NRG3: variants seen among roughly 807,000 people sequenced by gnomAD.
NRG3 encodes pro-neuregulin-3, membrane-bound isoform.
A neutral mutation model predicts 66.9 loss-of-function variants in NRG3; 31 were observed. The ratio of observed to expected loss-of-function variants is 0.46; its 90% CI spans 0.35 to 0.63. The LOEUF is 0.63. Among genes scored for constraint, NRG3 ranks in the 20% least tolerant of loss-of-function variants. The pLI, the probability that NRG3 is intolerant of heterozygous loss-of-function variation, is 0.00. For synonymous variants in NRG3, 393 were observed against 359.4 expected (o/e 1.09, Z -1.06); for missense variants, 910 against 878.9 (o/e 1.04, Z -0.45).
intron 2 of NRG3, among the ~76,000 whole-genome samples, chr10:82,605,426 ATACCACTTGT>A (rs1211747713): frequency 2.0e-5 from 3 of 152,056 alleles, no homozygotes; most frequent in Non-Finnish European, 4.4e-5. Flanking sequence ...CCAGCAACAA[ATACCACTTGT>A]TTGCGGTATA....
chr10:82,085,838 C>T (rs1564547678), intron 1 of NRG3, among the ~76,000 whole-genome samples: 1 of 151,932 alleles, frequency 6.6e-6, no homozygotes, highest in African/African-American at 2.4e-5. Flanking sequence ...TGGGTTTCAC[C>T]ATGTTGGCCA....
intron 2 of NRG3, among the ~76,000 whole-genome samples, chr10:82,465,055 G>A (rs186577795): frequency 9.9e-5 from 15 of 152,274 alleles, no homozygotes; most frequent in African/African-American, 3.6e-4. Flanking sequence ...ATTCTCCCAG[G>A]AACTGGTTTT....
At chr10:82,977,325 G>T (rs2132628254) in intron 7 of NRG3, among the ~76,000 whole-genome samples, 1 of 152,054 alleles carries the variant, frequency 6.6e-6, no homozygotes, top group Admixed American at 6.6e-5. Flanking sequence ...TGAAGGTATA[G>T]GGGCTAGGCA....
intron 1 of NRG3, chr10:82,166,831 G>C (rs1048331238): frequency 3.0e-6 from 2 of 664,208 alleles, no homozygotes; most frequent in Non-Finnish European, 5.5e-6. Context: ...AATTTTGTAA[G>C]TCTGAAACAG....
intron 4 of NRG3, among the ~76,000 whole-genome samples, chr10:82,906,338 T>C (rs1407097036): frequency 6.6e-6 from 1 of 152,206 alleles, no homozygotes. Flanking sequence ...GACAGCAATG[T>C]TAAAATACCT....
intron 2 of NRG3, among the ~76,000 whole-genome samples, chr10:82,616,741 T>C (rs1485780528): frequency 6.6e-6 from 1 of 152,198 alleles, no homozygotes; most frequent in East Asian, 1.9e-4. Context: ...TCCTGAACTG[T>C]TTGCTTCTAT....
At chr10:82,533,167 A>T (rs1052417577) in intron 2 of NRG3, among the ~76,000 whole-genome samples, 1 of 149,908 alleles carries the variant, frequency 6.7e-6, no homozygotes, top group East Asian at 2.0e-4. Flanking sequence ...TTTGTTTTCT[A>T]TTGAGATGTA....
At chr10:81,987,523 A>G (rs902377655) in intron 1 of NRG3, among the ~76,000 whole-genome samples, 2 of 152,232 alleles carry the variant, frequency 1.3e-5, no homozygotes, top group Admixed American at 6.5e-5. Flanking sequence ...GATGTGAGAA[A>G]TGACAGTCAA....
intron 1 of NRG3, among the ~76,000 whole-genome samples, chr10:82,044,096 G>C (rs181444500): frequency 6.6e-6 from 1 of 151,986 alleles, no homozygotes; most frequent in African/African-American, 2.4e-5. Flanking sequence ...TGTCAGGGAC[G>C]CTTCCTACCA....
rs1405282966 is a variant in NRG3, at chr10:82,591,497, G to A, written c.954-147080G>A. 3.3e-5 allele frequency among the ~76,000 whole-genome samples: 5 copies of A among 152,234 alleles called. No individual in the cohort carries two copies. In the East Asian group the frequency reaches 5.8e-4, roughly 18 times the overall value. The stretch of plus-strand genomic sequence containing the variant: ...AAACTCAATTTGATTCAGAGTTTGT[G>A]GTGAGCAATTCTAATACTTGTGTGT... On this transcript the variant is annotated intron_variant, in intron 2 of 8. Transcript: ENST00000372141.
At chr10:82,318,568 G>A (rs1161286851) in intron 1 of NRG3, among the ~76,000 whole-genome samples, 1 of 152,132 alleles carries the variant, frequency 6.6e-6, no homozygotes. Context: ...TCTGGCCATA[G>A]TGACTGTCTC....
chr10:82,554,677 A>G (rs1327804618), intron 2 of NRG3, among the ~76,000 whole-genome samples: 1 of 152,204 alleles, frequency 6.6e-6, no homozygotes, highest in Non-Finnish European at 1.5e-5. Flanking sequence ...ATGTTCAGAA[A>G]TACTTGATGA....
intron 1 of NRG3, among the ~76,000 whole-genome samples, chr10:82,048,777 C>CA (rs1457065687): frequency 6.6e-6 from 1 of 150,942 alleles, no homozygotes; most frequent in Non-Finnish European, 1.5e-5. Context: ...AATAGAGACA[C>CA]AAAAAACCCT....
At chr10:82,675,746 C>G (rs2053638944) in intron 2 of NRG3, among the ~76,000 whole-genome samples, 1 of 152,196 alleles carries the variant, frequency 6.6e-6, no homozygotes, top group African/African-American at 2.4e-5. Context: ...AGTTTGAAGG[C>G]TCAAGGCAAG....
At chr10:82,051,512 T>C (rs1020943027) in intron 1 of NRG3, among the ~76,000 whole-genome samples, 1 of 151,518 alleles carries the variant, frequency 6.6e-6, no homozygotes, top group African/African-American at 2.4e-5. Flanking sequence ...TCATGGATGA[T>C]CAGCTCATAG....
At chr10:82,705,619 G>A (rs1174487887) in intron 2 of NRG3, among the ~76,000 whole-genome samples, 1 of 152,120 alleles carries the variant, frequency 6.6e-6, no homozygotes, top group Non-Finnish European at 1.5e-5. Flanking sequence ...ATTAATCAAT[G>A]ACCCTGAGGA....
intron 2 of NRG3, among the ~76,000 whole-genome samples, chr10:82,481,407 A>C (rs916112669): frequency 6.6e-6 from 1 of 151,652 alleles, no homozygotes; most frequent in African/African-American, 2.4e-5. Flanking sequence ...TCTCCCCCAC[A>C]CTTCCTTCCT....
chr10:82,672,691 G>T (rs930502750), intron 2 of NRG3, among the ~76,000 whole-genome samples: 21 of 152,192 alleles, frequency 1.4e-4, no homozygotes, highest in African/African-American at 5.1e-4. Context: ...TTCCAGGCCT[G>T]GGCCCCTGCC....
At position 82,245,978 on chromosome 10, in the gene NRG3, G is replaced by GTTTTT. The variant is rs372596396; in HGVS notation, c.824-112742_824-112738dup. On this transcript the variant is annotated intron_variant, in intron 1 of 8. Transcript: ENST00000372141. ...AGCCTGATTTTTTCCCAGTCTTCTG[G>GTTTTT]TTTTTTTTTTTTTTTTTTTTTTTAA... 2.6e-3 allele frequency among the ~76,000 whole-genome samples: 268 copies of GTTTTT among 103,212 alleles called. 2 individuals carry two copies. Among genetic ancestry groups the GTTTTT allele is most frequent in the Middle Eastern group, 0.015 (2 of 132 alleles). 67.7% of individuals were successfully genotyped at this position (103,212 alleles called of 152,430 possible).
Sources: gnomAD v4.1 joint callset for allele counts (sites outside exome capture counted in the v4.1 genomes callset) on GRCh38, gnomAD v4.1.1 for gene constraint, MANE v1.5 for transcripts, NCBI Gene and HGNC (gene_info 2026-07-23, HGNC 2026-07-21) for gene names.